Variants in GPC5 observed in about 807,000 individuals in gnomAD.
GPC5 encodes the protein glypican 5.
GPC5 carries 47 observed loss-of-function variants against 53.9 expected under a neutral mutation model. The ratio of observed to expected loss-of-function variants is 0.87; its 90% CI spans 0.69 to 1.11. GPC5 has a LOEUF of 1.11. GPC5 is among the 50% of genes most tolerant of loss of function. The pLI is 0.00. For missense variants in GPC5, 748 were observed against 713.1 expected (o/e 1.05, Z -0.56); for synonymous variants, 286 against 263.3 (o/e 1.09, Z -0.84).
chr13:92,181,383 A>T (rs2042145707), intron 7 of GPC5, among the ~76,000 whole-genome samples: 2 of 152,218 alleles, frequency 1.3e-5, no homozygotes. Flanking sequence ...CTGACTAATG[A>T]ATGAATAAAA....
chr13:91,563,016 C>G (rs1420598316), intron 2 of GPC5, among the ~76,000 whole-genome samples: 1 of 151,926 alleles, frequency 6.6e-6, no homozygotes, highest in Non-Finnish European at 1.5e-5. Context: ...TATTTTTAAA[C>G]TATCATTTAC....
intron 6 of GPC5, among the ~76,000 whole-genome samples, chr13:92,123,280 C>CGT (rs1460280251): frequency 6.6e-6 from 1 of 151,714 alleles, no homozygotes; most frequent in Non-Finnish European, 1.5e-5. Context: ...GTGGCGGGCA[C>CGT]GTGTAATTCC....
chr13:91,982,399 A>C (rs183732939), intron 6 of GPC5, among the ~76,000 whole-genome samples: 30 of 152,344 alleles, frequency 2.0e-4, no homozygotes, highest in African/African-American at 6.7e-4. Flanking sequence ...TAAATGATGT[A>C]ACATCTATAC....
At chr13:92,576,111 A>G (rs1470000066) in intron 7 of GPC5, among the ~76,000 whole-genome samples, 4 of 152,224 alleles carry the variant, frequency 2.6e-5, no homozygotes, top group African/African-American at 9.6e-5. Flanking sequence ...CCCTCCAGAT[A>G]TAACGAATAC....
chr13:92,289,634 T>C (rs1159167883), intron 7 of GPC5, among the ~76,000 whole-genome samples: 1 of 152,002 alleles, frequency 6.6e-6, no homozygotes, highest in Non-Finnish European at 1.5e-5. Context: ...TTGCCTTTTA[T>C]GGATTATCTC....
intron 5 of GPC5, among the ~76,000 whole-genome samples, chr13:91,795,564 C>T (rs1172740011): frequency 1.3e-5 from 2 of 152,192 alleles, no homozygotes; most frequent in African/African-American, 4.8e-5. Context: ...CTTACCTTTT[C>T]ATGTTTGATT....
chr13:91,911,903 T>A (rs2039614040), intron 6 of GPC5, among the ~76,000 whole-genome samples: 1 of 152,166 alleles, frequency 6.6e-6, no homozygotes, highest in African/African-American at 2.4e-5. Flanking sequence ...GGAGGGTTCC[T>A]GGGATTGATT....
chr13:91,590,372 A>T (rs1172204591), intron 2 of GPC5, among the ~76,000 whole-genome samples: 1 of 152,048 alleles, frequency 6.6e-6, no homozygotes, highest in Non-Finnish European at 1.5e-5. Flanking sequence ...GATTTTCTTC[A>T]CCTATTTGTT....
At chr13:91,716,208 T>C (rs2036334997) in intron 3 of GPC5, among the ~76,000 whole-genome samples, 1 of 152,228 alleles carries the variant, frequency 6.6e-6, no homozygotes, top group Non-Finnish European at 1.5e-5. Context: ...AATGATCTAT[T>C]GAGCATCCTT....
chr13:92,296,676 A>T (rs914068478), intron 7 of GPC5, among the ~76,000 whole-genome samples: 2 of 152,124 alleles, frequency 1.3e-5, no homozygotes, highest in African/African-American at 4.8e-5. Context: ...GAGAGGCGCG[A>T]GCGGGAACCG....
chr13:92,826,569 T>C, intron 7 of GPC5, among the ~76,000 whole-genome samples: 1 of 152,120 alleles, frequency 6.6e-6, no homozygotes, highest in African/African-American at 2.4e-5. Flanking sequence ...ATTTGTTCCA[T>C]GACAATAGAA....
intron 6 of GPC5, among the ~76,000 whole-genome samples, chr13:91,915,615 A>G (rs564844576): frequency 6.6e-6 from 1 of 152,204 alleles, no homozygotes; most frequent in East Asian, 1.9e-4. Context: ...ATGTTGAAAG[A>G]CCATTAAAAT....
chr13:92,616,691 C>T (rs1394804792), intron 7 of GPC5, among the ~76,000 whole-genome samples: 1 of 152,028 alleles, frequency 6.6e-6, no homozygotes, highest in Non-Finnish European at 1.5e-5. Context: ...GCTCAAATGT[C>T]CAACTTTAAA....
chr13:91,754,250 A>G (rs1472754915), intron 4 of GPC5, among the ~76,000 whole-genome samples: 2 of 152,128 alleles, frequency 1.3e-5, no homozygotes, highest in African/African-American at 4.8e-5. Flanking sequence ...GAGTAACATA[A>G]TCTCTGGAAT....
chr13:92,685,564 T>TTTTTTTTTAA (rs1887246029), intron 7 of GPC5, among the ~76,000 whole-genome samples: 2 of 143,618 alleles, frequency 1.4e-5, no homozygotes, highest in Non-Finnish European at 3.0e-5. Context: ...TTTTTAATTT[T>TTTTTTTTTAA]TTTTTTTTTT....
At chr13:91,980,653 T>C (rs2040348836) in intron 6 of GPC5, among the ~76,000 whole-genome samples, 1 of 152,244 alleles carries the variant, frequency 6.6e-6, no homozygotes, top group Non-Finnish European at 1.5e-5. Context: ...AACTGAATTA[T>C]AACATACAGT....
intron 5 of GPC5, among the ~76,000 whole-genome samples, chr13:91,901,423 G>A (rs1244432078): frequency 6.6e-6 from 1 of 151,956 alleles, no homozygotes; most frequent in Non-Finnish European, 1.5e-5. Flanking sequence ...TCCATGAAAG[G>A]TAGTCCCATA....
intron 7 of GPC5, among the ~76,000 whole-genome samples, chr13:92,856,944 C>T (rs1879020550): frequency 6.6e-6 from 1 of 151,776 alleles, no homozygotes; most frequent in South Asian, 2.1e-4. Context: ...ATCAAATGAC[C>T]AATGTCATTT....
chr13:92,393,492 A>C (rs1413919955), intron 7 of GPC5, among the ~76,000 whole-genome samples: 1 of 152,124 alleles, frequency 6.6e-6, no homozygotes, highest in Non-Finnish European at 1.5e-5. Context: ...TCTACTAAAA[A>C]TTCAAAATTA....
Sources: allele counts gnomAD v4.1 joint callset (sites outside exome capture counted in the v4.1 genomes callset), GRCh38; gene constraint gnomAD v4.1.1; transcripts MANE v1.5; gene names NCBI Gene and HGNC (gene_info 2026-07-23, HGNC 2026-07-21).